SCAP: variants seen among roughly 807,000 people sequenced by gnomAD.
The protein encoded by SCAP is sterol regulatory element-binding protein cleavage-activating protein.
SCAP carries 65 observed loss-of-function variants against 123.6 expected under a neutral mutation model. That is an observed-to-expected ratio of 0.53 (90% CI 0.43 to 0.65). The LOEUF (loss-of-function observed/expected upper bound fraction) is 0.65. Among genes scored for constraint, SCAP ranks in the 30% least tolerant of loss-of-function variants. SCAP has a pLI of 0.00. For synonymous variants in SCAP, 740 were observed against 726.3 expected (o/e 1.02, Z -0.30); for missense variants, 1,398 against 1,712.5 (o/e 0.82, Z 3.24).
chr3:47,447,913 G>A (rs1343844052), intron 1 of SCAP, among the ~76,000 whole-genome samples: 1 of 142,870 alleles, frequency 7.0e-6, no homozygotes, highest in Non-Finnish European at 1.5e-5. Flanking sequence ...GCTGAGGCAG[G>A]AGAATCGCTT....
Position 47,419,681 on chromosome 3 carries a change from G to A in SCAP, c.1587C>T (p.Gly529=). 2 of 1,524,006 alleles carry A rather than the reference G, an allele frequency of 1.3e-6. No individual in the cohort carries two copies. The highest frequency in any genetic ancestry group is 1.8e-6 in the Non-Finnish European group (2 of 1,135,444). The allele number at this position is 1,524,006 out of a possible 1,614,324, so 94.4% of individuals were successfully genotyped here. A position where few individuals can be genotyped will look rare whatever the true frequency, so the allele number is the denominator to read the frequency against. The change falls in exon 13 of 23, where the codon GGC becomes GGT. Residue 529 remains glycine (G), a synonymous_variant. Transcript: ENST00000265565. The surrounding 1 kb of genome is among the most constrained non-coding windows in gnomAD (Gnocchi z 5.0). ...CTGCTGGGTCTGTGTATACCAGGAT[G>A]CCAATCCAGACAACGGTGCCAGCCT... ...LIMAGTVVWI[G]ILVYTDPAGL...
chr3:47,425,282 T>G, intron 8 of SCAP: 1 of 595,926 alleles, frequency 1.7e-6, no homozygotes. Context: ...ACACTCACTA[T>G]AGCTAGATAT....
chr3:47,414,619 T>C lies in SCAP; in HGVS notation c.3340A>G (p.Thr1114Ala). 5.6e-6 allele frequency: 9 copies of C among 1,613,278 alleles called. No individual in the cohort carries two copies. The highest frequency in any genetic ancestry group is 6.8e-6 in the Non-Finnish European group (8 of 1,179,998). ...ATGGCCCCTGAGTGGCCCTGAAGGG[T>C]GAAGAGGCAGCACGAGTCCTCCAGA... ...FRLEDSCCLF[T>A]LQGHSGAITT... The change falls in exon 21 of 23, where the codon ACC (threonine) becomes GCC (alanine). Residue 1114 changes from threonine to alanine, a missense_variant. Around this residue, in one of 7 missense-constraint regions of SCAP, gnomAD observed 44 missense variants for 64.4 expected, o/e 0.68. Coordinates refer to ENST00000265565, the MANE Select transcript of SCAP (RefSeq NM_012235.4).
Position 47,425,994 on chromosome 3 carries a change from T to C in SCAP, c.910+3A>G. 1.2e-6 allele frequency: 2 copies of C among 1,614,000 alleles called. No individual in the cohort carries two copies. The highest frequency in any genetic ancestry group is 1.7e-6 in the Non-Finnish European group (2 of 1,179,968). The stretch of plus-strand genomic sequence containing the variant: ...GCCCTCAGCCTCCCTGCCATGAACC[T>C]ACGCGTGGAGAAGTAGATGTAGGCA... On this transcript the variant is annotated splice_donor_region_variant and intron_variant, in intron 7 of 22. Coordinates refer to ENST00000265565, the MANE Select transcript of SCAP (RefSeq NM_012235.4).
intron 1 of SCAP, among the ~76,000 whole-genome samples, chr3:47,468,687 G>A (rs186130932): frequency 6.6e-6 from 1 of 152,230 alleles, no homozygotes; most frequent in African/African-American, 2.4e-5. Flanking sequence ...CAGTCTGATG[G>A]TAGTTTCTTT....
intron 16 of SCAP, 24 bp from the exon 17 acceptor site, chr3:47,417,850 A>AGAGGGGGCACGGGG: frequency 8.0e-7 from 1 of 1,252,306 alleles, no homozygotes; most frequent in Non-Finnish European, 1.0e-6. Flanking sequence ...GGGCGGAGTG[A>AGAGGGGGCACGGGG]GAGGGGGCAC....
chr3:47,420,537 G>A lies in SCAP; in HGVS notation c.1563+17C>T, dbSNP rs900455056. On this transcript the variant is annotated intron_variant, in intron 12 of 22. Transcript: ENST00000265565. This position sits in a 1 kb window ranked among gnomAD's most constrained non-coding sequence, Gnocchi z 5.0. Reference sequence around the variant, plus strand: ...GCCCTCCAGAAGAGGGCAGGGCAGGGCAGGGGTGGCAGGTACCATGATGAG... The same window carrying A: ...GCCCTCCAGAAGAGGGCAGGGCAGGACAGGGGTGGCAGGTACCATGATGAG... The A allele has an allele frequency of 6.3e-7, 1 of 1,577,374 alleles. No homozygotes were observed. The highest frequency in any genetic ancestry group is 8.6e-7 in the Non-Finnish European group (1 of 1,161,466).
intron 1 of SCAP, among the ~76,000 whole-genome samples, chr3:47,452,418 A>C (rs554406361): frequency 2.0e-5 from 3 of 152,298 alleles, no homozygotes; most frequent in South Asian, 4.1e-4. Flanking sequence ...CCAGGATCAG[A>C]TATTATTAGG....
chr3:47,430,641 C>T (rs1706319114), intron 3 of SCAP, among the ~76,000 whole-genome samples: 1 of 152,196 alleles, frequency 6.6e-6, no homozygotes. Flanking sequence ...AATCAGTTGA[C>T]AAAGCAAAGC....
chr3:47,455,539 G>T (rs1247841451), intron 1 of SCAP, among the ~76,000 whole-genome samples: 1 of 144,268 alleles, frequency 6.9e-6, no homozygotes, highest in African/African-American at 2.6e-5. Context: ...AGGTTGCAGT[G>T]AGCCGGGATT....
intron 18 of SCAP, 83 bp from the exon 19 acceptor site, chr3:47,415,263 G>T: frequency 7.7e-7 from 1 of 1,299,288 alleles, no homozygotes; most frequent in Non-Finnish European, 1.1e-6. Flanking sequence ...AGAGTTAAGG[G>T]CCAGTTCAAG....
chr3:47,455,594 CA>C (rs544006040), intron 1 of SCAP, among the ~76,000 whole-genome samples: 496 of 42,440 alleles, frequency 0.012, 2 homozygotes, highest in African/African-American at 0.034. Flanking sequence ...GACTCCACCT[CA>C]AAAAAAAAAA....
intron 10 of SCAP, among the ~76,000 whole-genome samples, chr3:47,421,794 G>A (rs60357282): frequency 0.069 from 10,543 of 152,212 alleles, 1,218 homozygotes; most frequent in African/African-American, 0.24. Flanking sequence ...GGAAAGACGG[G>A]CGAGAAAAGA....
chr3:47,434,718 T>TC, intron 3 of SCAP: 1 of 291,250 alleles, frequency 3.4e-6, no homozygotes, highest in South Asian at 3.8e-5. Context: ...ACACCTACAG[T>TC]CCCAGCTAAT....
chr3:47,430,882 A>G (rs1400247798), intron 3 of SCAP, among the ~76,000 whole-genome samples: 1 of 152,202 alleles, frequency 6.6e-6, no homozygotes, highest in African/African-American at 2.4e-5. Flanking sequence ...AAGGGAGGCC[A>G]TGGAGCCACT....
At position 47,418,377 on chromosome 3, in the gene SCAP, C is replaced by T. The variant is rs776385822; in HGVS notation, c.2275G>A (p.Gly759Ser). The change falls in exon 15 of 23, where the codon GGC becomes AGC. Residue 759 changes from glycine to serine, a missense_variant. Gly to Ser is a moderately conservative substitution (Grantham distance 56). Around this residue, in one of 7 missense-constraint regions of SCAP, gnomAD observed 828 missense variants for 882.5 expected, o/e 0.94. Transcript: ENST00000265565. ...RRGELPCDDY[G>S]YAPPETEIVP... is the part of the protein sequence containing the mutation. ...ATCTCCGTCTCGGGTGGCGCATAGCCGTAGTCGTCGCAGGGCAGCTCCCCG... is the reference window on the plus strand; with the variant it reads ...ATCTCCGTCTCGGGTGGCGCATAGCTGTAGTCGTCGCAGGGCAGCTCCCCG... 4.4e-6 allele frequency: 7 copies of T among 1,573,126 alleles called. No individual in the cohort carries two copies. Among genetic ancestry groups the T allele is most frequent in the East Asian group, 2.3e-5 (1 of 42,736 alleles).
At position 47,426,157 on chromosome 3, in the gene SCAP, G is replaced by A. The variant is rs1706119727; in HGVS notation, c.750C>T (p.Ser250=). The stretch of plus-strand genomic sequence containing the variant: ...GCAGAAGCATCAGGCGGGCACGCAG[G>A]CTGCCCAGGAACCTGGTCAAGGAGC... ...FQHYHAKFLG[S]LRARLMLLHP... Residue 250 remains serine (S), a synonymous_variant, in exon 7 of 23, where the codon AGC becomes AGT. Transcript: ENST00000265565. 2 of 1,613,138 alleles carry A rather than the reference G, an allele frequency of 1.2e-6. No homozygotes were observed. The highest frequency in any genetic ancestry group is 1.3e-5 in the African/African-American group (1 of 74,894).
intron 1 of SCAP, chr3:47,475,573 C>T (rs1453989495): frequency 6.6e-6 from 1 of 152,134 alleles, no homozygotes; most frequent in Non-Finnish European, 1.5e-5. Context: ...CGCGGAGCTC[C>T]AGGGGCCGGC....
chr3:47,455,398 C>G (rs1196091949), intron 1 of SCAP, among the ~76,000 whole-genome samples: 1 of 151,392 alleles, frequency 6.6e-6, no homozygotes, highest in African/African-American at 2.4e-5. Context: ...AGTTAAAGAC[C>G]AGCCTAGCCA....
Sources: allele counts gnomAD v4.1 joint callset (sites outside exome capture counted in the v4.1 genomes callset), GRCh38; gene constraint gnomAD v4.1.1; regional missense constraint gnomAD v4.1.1; non-coding constraint Gnocchi (gnomAD v3.1); transcripts MANE v1.5; gene names NCBI Gene and HGNC (gene_info 2026-07-23, HGNC 2026-07-21).